The following PCBP3 variants were observed in gnomAD, a reference collection of about 807,000 sequenced individuals.
PCBP3 encodes poly(rC)-binding protein 3.
A neutral mutation model predicts 52.7 loss-of-function variants in PCBP3; 25 were observed. The observed-to-expected ratio is 0.47, with a 90% CI of 0.35 to 0.66. The LOEUF (loss-of-function observed/expected upper bound fraction) is 0.66. Among genes scored for constraint, PCBP3 ranks in the 30% least tolerant of loss-of-function variants. PCBP3 has a pLI of 0.01. For missense variants in PCBP3, 391 were observed against 490.3 expected, an observed-to-expected ratio of 0.80 and a Z score of 1.91; for synonymous variants, 162 against 183.0, an observed-to-expected ratio of 0.89 and a Z score of 0.93.
intron 2 of PCBP3, among the ~76,000 whole-genome samples, chr21:45,725,643 T>C (rs571071124): frequency 2.0e-5 from 3 of 152,214 alleles, no homozygotes; most frequent in South Asian, 4.1e-4. Context: ...TTATTTCTGG[T>C]GGGTGGAGGG....
rs370980516 is a variant in PCBP3 at position 45,912,043 on chromosome 21, G to A, written c.600+1013G>A. Among the ~76,000 whole-genome samples, 13 of 152,308 alleles carry A rather than the reference G, an allele frequency of 8.5e-5. No homozygotes were observed. The East Asian group carries it at 2.5e-3, about 29-fold the overall frequency. ...CAGTTCTAGGAGGGACATCCCTAAT[G>A]GAGGGCCGAGGTCCAGCTCCTCAAC... is the stretch of plus-strand genomic sequence containing the variant. On this transcript the variant is annotated intron_variant, in intron 11 of 17. Coordinates refer to ENST00000681687, the MANE Select transcript of PCBP3 (RefSeq NM_001384156.1).
chr21:45,821,656 C>T lies in PCBP3; in HGVS notation c.-125-28305C>T, dbSNP rs979867841. Among the ~76,000 whole-genome samples, 3 of 152,120 alleles carry T rather than the reference C, an allele frequency of 2.0e-5. No individual in the cohort carries two copies. Among genetic ancestry groups the T allele is most frequent in the African/African-American group, 4.8e-5 (2 of 41,420 alleles). On this transcript the variant is annotated intron_variant, in intron 4 of 17. Transcript: ENST00000681687. The surrounding 1 kb of genome is among the most constrained non-coding windows in gnomAD (Gnocchi z 4.4). ...TCTCCACGGGACCCTCCTGTCCTCC[C>T]GTGTGATGCTGACTGCTCGTGACAT...
intron 13 of PCBP3, among the ~76,000 whole-genome samples, chr21:45,921,073 A>G (rs2074363903): frequency 6.6e-6 from 1 of 152,178 alleles, no homozygotes; most frequent in Non-Finnish European, 1.5e-5. Flanking sequence ...AAAATTGAAG[A>G]CTTGGACAAT....
At chr21:45,900,901 A>T in intron 8 of PCBP3, 96 bp from the exon 9 acceptor site, 1 of 821,430 alleles carries the variant, frequency 1.2e-6, no homozygotes, top group South Asian at 1.4e-5. Flanking sequence ...GGACAGAGGC[A>T]TGTGTTTGTG....
At position 45,643,745 on chromosome 21, in the gene PCBP3, G is replaced by A. The variant is rs2079068132; in HGVS notation, c.-402G>A. The A allele has an allele frequency of 6.8e-6, 1 of 148,130 alleles. No homozygotes were observed. Among genetic ancestry groups the A allele is most frequent in the South Asian group, 2.1e-4 (1 of 4,846 alleles). The allele number at this position is 148,130 out of a possible 1,614,324, so 9.2% of individuals were successfully genotyped here. A position where few individuals can be genotyped will look rare whatever the true frequency, so the allele number is the denominator to read the frequency against. ...CCGCCGCCTCAGCCGCCTCAGCCGC[G>A]GTCGCCGCCGCTTCGGCTGACTTAG... On this transcript the variant is annotated 5_prime_UTR_variant, in exon 1 of 18. Coordinates refer to ENST00000681687, the MANE Select transcript of PCBP3 (RefSeq NM_001384156.1).
intron 2 of PCBP3, among the ~76,000 whole-genome samples, chr21:45,673,124 A>G (rs563241059): frequency 1.3e-5 from 2 of 152,338 alleles, no homozygotes; most frequent in South Asian, 4.1e-4. Context: ...ACCCTCTTCA[A>G]GGAGCCCAAT....
At chr21:45,913,581 G>T (rs544905327) in intron 11 of PCBP3, among the ~76,000 whole-genome samples, 2 of 152,096 alleles carry the variant, frequency 1.3e-5, no homozygotes, top group Non-Finnish European at 1.5e-5. Context: ...GTCCAGCAGG[G>T]TCTTGTGGGC....
At chr21:45,925,283 A>G (rs2075245668) in intron 13 of PCBP3, among the ~76,000 whole-genome samples, 1 of 152,096 alleles carries the variant, frequency 6.6e-6, no homozygotes, top group Admixed American at 6.5e-5. Flanking sequence ...CTCTCAACGC[A>G]CATGTTAAAG....
At chr21:45,810,095 T>G (rs536472065) in intron 4 of PCBP3, among the ~76,000 whole-genome samples, 1 of 152,366 alleles carries the variant, frequency 6.6e-6, no homozygotes, top group South Asian at 2.1e-4. Flanking sequence ...TTTTTCTGCA[T>G]CTATTGAAAT....
At chr21:45,860,464 G>T (rs1475501548) in intron 5 of PCBP3, among the ~76,000 whole-genome samples, 1 of 152,156 alleles carries the variant, frequency 6.6e-6, no homozygotes, top group Admixed American at 6.5e-5. Context: ...ACACGCAGTT[G>T]GGGCTGCAAC....
intron 2 of PCBP3, among the ~76,000 whole-genome samples, chr21:45,721,412 C>CAAAA (rs34586187): frequency 3.2e-5 from 3 of 95,110 alleles, no homozygotes; most frequent in African/African-American, 1.2e-4. Flanking sequence ...GACTCCATCT[C>CAAAA]AAAAAAAAAA....
At chr21:45,938,593 A>G (rs2077124893) in intron 16 of PCBP3, among the ~76,000 whole-genome samples, 1 of 151,666 alleles carries the variant, frequency 6.6e-6, no homozygotes, top group African/African-American at 2.4e-5. Flanking sequence ...GTGAGCAGGG[A>G]GAGGGCTGGA....
intron 2 of PCBP3, among the ~76,000 whole-genome samples, chr21:45,681,317 G>C (rs937621198): frequency 2.0e-5 from 3 of 152,160 alleles, no homozygotes; most frequent in East Asian, 3.9e-4. Context: ...AGGATTACTT[G>C]ATTTTTCTTC....
intron 1 of PCBP3, among the ~76,000 whole-genome samples, chr21:45,646,083 T>TG (rs1206207801): frequency 1.0e-5 from 1 of 99,622 alleles, no homozygotes; most frequent in Non-Finnish European, 2.0e-5. Flanking sequence ...CTCTCTCTCT[T>TG]TCTCTCTCTC....
intron 4 of PCBP3, among the ~76,000 whole-genome samples, chr21:45,770,196 C>T (rs901012310): frequency 2.0e-5 from 3 of 152,178 alleles, no homozygotes; most frequent in Admixed American, 6.5e-5. Flanking sequence ...GTCAAATTAG[C>T]GAACAGAAGA....
At chr21:45,783,170 T>A (rs1297396062) in intron 4 of PCBP3, among the ~76,000 whole-genome samples, 1 of 152,176 alleles carries the variant, frequency 6.6e-6, no homozygotes, top group Non-Finnish European at 1.5e-5. Context: ...TGCAGAAATA[T>A]GGTTTTGGTT....
intron 2 of PCBP3, among the ~76,000 whole-genome samples, chr21:45,685,356 T>C (rs1261635767): frequency 1.3e-5 from 2 of 152,128 alleles, no homozygotes; most frequent in Non-Finnish European, 2.9e-5. Context: ...GTGAATGTAT[T>C]TAATGCCACT....
intron 1 of PCBP3, among the ~76,000 whole-genome samples, chr21:45,650,785 T>G (rs1304791307): frequency 1.3e-5 from 2 of 152,168 alleles, no homozygotes; most frequent in Non-Finnish European, 2.9e-5. Context: ...TCTTAAATGG[T>G]CTGGATCTGG....
At chr21:45,850,123 T>C in intron 5 of PCBP3, 28 bp downstream of exon 5, 1 of 1,543,002 alleles carries the variant, frequency 6.5e-7, no homozygotes, top group Non-Finnish European at 8.8e-7. Flanking sequence ...GTTTCCATGT[T>C]TGTTTGTTTA....
Sources: allele counts gnomAD v4.1 joint callset (sites outside exome capture counted in the v4.1 genomes callset), GRCh38; gene constraint gnomAD v4.1.1; non-coding constraint Gnocchi (gnomAD v3.1); transcripts MANE v1.5; gene names NCBI Gene and HGNC (gene_info 2026-07-23, HGNC 2026-07-21).